ROBO2: variants seen among roughly 807,000 people sequenced by gnomAD.
ROBO2 encodes roundabout homolog 2.
Under a neutral mutation model 160.8 loss-of-function variants are expected in ROBO2, and 53 were observed. The observed-to-expected ratio is 0.33, with a 90% confidence interval of 0.26 to 0.41. ROBO2 has a LOEUF of 0.41. Ranked by LOEUF, ROBO2 falls within the 10% of genes least tolerant of loss-of-function variation. The pLI, the probability that ROBO2 is intolerant of heterozygous loss-of-function variation, is 1.00. For missense variants in ROBO2, 1,577 were observed against 1,722.4 expected, an observed-to-expected ratio of 0.92 and a Z score of 1.49; for synonymous variants, 664 against 611.7, an observed-to-expected ratio of 1.09 and a Z score of -1.26.
At chr3:77,174,394 C>T (rs770051050) in intron 2 of ROBO2, among the ~76,000 whole-genome samples, 14 of 152,002 alleles carry the variant, frequency 9.2e-5, no homozygotes, top group East Asian at 1.9e-4. Context: ...TATATTAGCC[C>T]GTATTAATAG....
At chr3:76,992,273 C>T (rs979350087) in intron 2 of ROBO2, among the ~76,000 whole-genome samples, 1 of 145,038 alleles carries the variant, frequency 6.9e-6, no homozygotes, top group Admixed American at 7.0e-5. Context: ...CTCCAAATAC[C>T]CTTGCATTTC....
chr3:77,313,923 G>A (rs1367918750), intron 2 of ROBO2, among the ~76,000 whole-genome samples: 1 of 152,154 alleles, frequency 6.6e-6, no homozygotes, highest in South Asian at 2.1e-4. Flanking sequence ...TTTAAAAAAG[G>A]TCTAAGGTCT....
At chr3:76,213,616 A>G (rs977543975) in intron 2 of ROBO2, among the ~76,000 whole-genome samples, 1 of 152,188 alleles carries the variant, frequency 6.6e-6, no homozygotes, top group Non-Finnish European at 1.5e-5. Flanking sequence ...TCTTTAATTT[A>G]TAGAACATTT....
At chr3:76,074,499 T>A (rs945299605) in intron 2 of ROBO2, among the ~76,000 whole-genome samples, 1 of 152,178 alleles carries the variant, frequency 6.6e-6, no homozygotes, top group African/African-American at 2.4e-5. Context: ...CTTCCCTTCT[T>A]AGAGGAGTAA....
intron 2 of ROBO2, among the ~76,000 whole-genome samples, chr3:77,442,410 C>A (rs553244535): frequency 2.6e-5 from 4 of 152,156 alleles, no homozygotes; most frequent in African/African-American, 9.6e-5. Context: ...GTAAAACTAT[C>A]CTGTTGTGTA....
At chr3:77,476,252 G>T (rs540858055) in intron 2 of ROBO2, among the ~76,000 whole-genome samples, 1 of 152,076 alleles carries the variant, frequency 6.6e-6, no homozygotes, top group Admixed American at 6.6e-5. Flanking sequence ...TATAGGACAC[G>T]GAAGGCAGTT....
At chr3:76,376,423 ATTTG>A (rs2076348653) in intron 2 of ROBO2, among the ~76,000 whole-genome samples, 2 of 152,074 alleles carry the variant, frequency 1.3e-5, no homozygotes, top group East Asian at 3.9e-4. Flanking sequence ...ATTTGAACAA[ATTTG>A]TTTGTGTCTC....
At chr3:76,716,168 A>G (rs1278143615) in intron 2 of ROBO2, among the ~76,000 whole-genome samples, 1 of 152,112 alleles carries the variant, frequency 6.6e-6, no homozygotes. Flanking sequence ...TATGCAGTTG[A>G]TTTATTTTAT....
intron 2 of ROBO2, among the ~76,000 whole-genome samples, chr3:76,751,307 A>G (rs977630657): frequency 2.6e-5 from 4 of 152,124 alleles, no homozygotes; most frequent in Non-Finnish European, 5.9e-5. Context: ...CTAATTCAAG[A>G]TGGATTAAAG....
intron 2 of ROBO2, among the ~76,000 whole-genome samples, chr3:76,790,212 C>T (rs2063267179): frequency 6.6e-6 from 1 of 151,546 alleles, no homozygotes; most frequent in Non-Finnish European, 1.5e-5. Context: ...AGAGTTTCCT[C>T]TACATCTCCT....
At chr3:76,853,166 T>C (rs1042622602) in intron 2 of ROBO2, among the ~76,000 whole-genome samples, 3 of 152,110 alleles carry the variant, frequency 2.0e-5, no homozygotes, top group Admixed American at 6.5e-5. Context: ...AATAGACATT[T>C]CTTAATATTT....
chr3:77,134,864 G>A (rs765548315), intron 2 of ROBO2, among the ~76,000 whole-genome samples: 2 of 152,164 alleles, frequency 1.3e-5, no homozygotes, highest in African/African-American at 2.4e-5. Flanking sequence ...CACTCTACTC[G>A]ATTAAGAGAA....
chr3:77,038,624 C>A (rs2063776013), upstream of ROBO2, among the ~76,000 whole-genome samples: 1 of 152,090 alleles, frequency 6.6e-6, no homozygotes, highest in Non-Finnish European at 1.5e-5. Context: ...CGGGGACCTG[C>A]GTGAGTTCCT....
Position 77,122,578 on chromosome 3 carries a change from T to C in ROBO2, c.388+24238T>C, listed in dbSNP as rs148158957. 4.2e-3 allele frequency among the ~76,000 whole-genome samples: 636 copies of C among 152,296 alleles called. 1 individual carries two copies. The highest frequency in any genetic ancestry group is 0.034 in the Middle Eastern group (10 of 294). ...ATCCACAAAGTTAGCTAATTTAAAATCAGATTATTATTACACTCATAGTAA... is the reference window on the plus strand; with the variant it reads ...ATCCACAAAGTTAGCTAATTTAAAACCAGATTATTATTACACTCATAGTAA... On this transcript the variant is annotated intron_variant, in intron 2 of 25. Transcript: ENST00000461745.
Position 77,527,387 on chromosome 3 carries a change from A to T in ROBO2, c.934+4485A>T. On this transcript the variant is annotated intron_variant, in intron 6 of 25. Transcript: ENST00000461745. ...TTCTTTTTTATGTTCTCACCACACC[A>T]TTGTAATGTCTACAGCTCGCCCTGT... is the stretch of plus-strand genomic sequence containing the variant. The T allele has an allele frequency of 3.9e-6, 5 of 1,287,718 alleles. No individual in the cohort carries two copies. Among genetic ancestry groups the T allele is most frequent in the Non-Finnish European group, 5.1e-6 (5 of 987,670 alleles). The allele number at this position is 1,287,718 out of a possible 1,614,324, so 79.8% of individuals were successfully genotyped here.
chr3:77,294,201 C>T lies in ROBO2; in HGVS notation c.389-183213C>T, dbSNP rs79299002. On this transcript the variant is annotated intron_variant, in intron 2 of 25. Transcript: ENST00000461745. Reference sequence around the variant, plus strand: ...CACCCCAGATGTGAAGTAAAATTGACGGCTAAAAGGGTAAGCTGAGACTAG... The same window carrying T: ...CACCCCAGATGTGAAGTAAAATTGATGGCTAAAAGGGTAAGCTGAGACTAG... 3.3e-4 allele frequency among the ~76,000 whole-genome samples: 42 copies of T among 128,046 alleles called. 3 individuals are homozygous for T. The highest frequency in any genetic ancestry group is 5.9e-4 in the Non-Finnish European group (37 of 62,324). The allele number at this position is 128,046 out of a possible 152,430, so 84.0% of individuals were successfully genotyped here.
intron 2 of ROBO2, among the ~76,000 whole-genome samples, chr3:76,547,835 G>GT (rs1326277736): frequency 6.6e-6 from 1 of 152,060 alleles, no homozygotes; most frequent in African/African-American, 2.4e-5. Context: ...CTAGGGTACT[G>GT]TTTTTTATAT....
At chr3:77,450,713 T>C (rs757271515) in intron 2 of ROBO2, among the ~76,000 whole-genome samples, 4 of 152,126 alleles carry the variant, frequency 2.6e-5, no homozygotes, top group Non-Finnish European at 4.4e-5. Context: ...AGGCTTTAGT[T>C]TTTAGAAAGA....
chr3:75,960,289 T>A (rs1014590078), intron 2 of ROBO2, among the ~76,000 whole-genome samples: 1 of 151,838 alleles, frequency 6.6e-6, no homozygotes, highest in African/African-American at 2.4e-5. Flanking sequence ...AACTTAACAT[T>A]TCACAATGCT....
Sources: gnomAD v4.1 joint callset for allele counts (sites outside exome capture counted in the v4.1 genomes callset) on GRCh38, gnomAD v4.1.1 for gene constraint, MANE v1.5 for transcripts, NCBI Gene and HGNC (gene_info 2026-07-23, HGNC 2026-07-21) for gene names.